Variants in CCDC60 observed in about 807,000 individuals in gnomAD.
CCDC60 encodes coiled-coil domain containing 60, also known as coiled-coil domain-containing protein 60.
A neutral mutation model predicts 63.5 loss-of-function variants in CCDC60; 54 were observed. The ratio of observed to expected loss-of-function variants is 0.85; its 90% confidence interval spans 0.68 to 1.07. The LOEUF (loss-of-function observed/expected upper bound fraction) is 1.07, where lower values mean the gene tolerates loss of function less well. CCDC60 is among the 50% of genes least tolerant of loss of function. The pLI is 0.00. For synonymous variants in CCDC60, 206 were observed against 238.8 expected, an observed-to-expected ratio of 0.86 and a Z score of 1.27; for missense variants, 651 against 684.3, an observed-to-expected ratio of 0.95 and a Z score of 0.54.
chr12:119,523,640 T>C (rs1952592953), intron 10 of CCDC60, 53 bp from the exon 11 acceptor site: 1 of 1,607,080 alleles, frequency 6.2e-7, no homozygotes, highest in Admixed American at 1.7e-5. Context: ...CCCAGGTTAC[T>C]AGGGGACATC....
rs534698019 is a variant in CCDC60 at position 119,509,860 on chromosome 12, T to A, written c.883+4557T>A. On this transcript the variant is annotated intron_variant, in intron 7 of 13. Transcript: ENST00000327554. ...GCTAGTGAGTGATGAAGACATAATT[T>A]GAACCCAGGAAATCTGGCCCTCAAG... 2.0e-4 allele frequency among the ~76,000 whole-genome samples: 31 copies of A among 152,320 alleles called. 1 individual carries two copies. The highest frequency in any genetic ancestry group is 7.5e-4 in the African/African-American group (31 of 41,574).
intron 6 of CCDC60, among the ~76,000 whole-genome samples, chr12:119,503,907 T>C (rs1951922389): frequency 6.6e-6 from 1 of 152,190 alleles, no homozygotes; most frequent in South Asian, 2.1e-4. Context: ...GAATTTCATC[T>C]AAAGAAAACA....
At chr12:119,357,070 T>G (rs2136160023) in intron 1 of CCDC60, among the ~76,000 whole-genome samples, 1 of 152,326 alleles carries the variant, frequency 6.6e-6, no homozygotes, top group African/African-American at 2.4e-5. Context: ...ATGTTGAAAT[T>G]TAATTGCCAT....
At chr12:119,505,640 G>C (rs921177249) in intron 7 of CCDC60, among the ~76,000 whole-genome samples, 1 of 152,232 alleles carries the variant, frequency 6.6e-6, no homozygotes, top group Non-Finnish European at 1.5e-5. Flanking sequence ...CAGATCATTT[G>C]AGGTCAGGAG....
intron 6 of CCDC60, among the ~76,000 whole-genome samples, chr12:119,504,611 G>T (rs1951942723): frequency 6.6e-6 from 1 of 152,164 alleles, no homozygotes; most frequent in Non-Finnish European, 1.5e-5. Flanking sequence ...GGTGTCAACT[G>T]GGGGACTAGG....
At chr12:119,498,494 G>A (rs530242814) in intron 5 of CCDC60, among the ~76,000 whole-genome samples, 1 of 152,170 alleles carries the variant, frequency 6.6e-6, no homozygotes, top group South Asian at 2.1e-4. Context: ...CACCACACCT[G>A]GCTAAATTTT....
intron 1 of CCDC60, among the ~76,000 whole-genome samples, chr12:119,368,527 C>T (rs1955866300): frequency 6.6e-6 from 1 of 152,138 alleles, no homozygotes; most frequent in Non-Finnish European, 1.5e-5. Flanking sequence ...CAGGGCGGTA[C>T]TCTCGGCCTC....
At chr12:119,503,033 C>T (rs1397090142) in intron 6 of CCDC60, among the ~76,000 whole-genome samples, 4 of 151,946 alleles carry the variant, frequency 2.6e-5, no homozygotes, top group African/African-American at 4.8e-5. Context: ...ACAAATTGGC[C>T]AGGCATGGTG....
At chr12:119,519,755 G>C (rs576954675) in intron 8 of CCDC60, among the ~76,000 whole-genome samples, 1 of 151,826 alleles carries the variant, frequency 6.6e-6, no homozygotes, top group Admixed American at 6.6e-5. Context: ...GAACCATGAC[G>C]CCTGGCCAGT....
In CCDC60 at chr12:119,485,077, G is replaced by A. The variant is rs552326066; in HGVS notation, c.450-3682G>A. 5.9e-5 allele frequency among the ~76,000 whole-genome samples: 9 copies of A among 152,368 alleles called. No individual in the cohort carries two copies. The South Asian group carries it at 1.7e-3, about 28-fold the overall frequency. On this transcript the variant is annotated intron_variant, in intron 4 of 13. Coordinates refer to ENST00000327554, the MANE Select transcript of CCDC60 (RefSeq NM_178499.5). The stretch of plus-strand genomic sequence containing the variant: ...AGCCCAATCACTGAGAGTCAAGAAG[G>A]AAGAGGAGCAGGAATATGTATCAGG...
intron 2 of CCDC60, among the ~76,000 whole-genome samples, chr12:119,438,489 T>C (rs1401524170): frequency 6.6e-6 from 1 of 152,152 alleles, no homozygotes; most frequent in African/African-American, 2.4e-5. Flanking sequence ...CAGCTGTGGG[T>C]TCAAATCCTA....
chr12:119,376,045 G>A (rs1027439597), intron 1 of CCDC60, among the ~76,000 whole-genome samples: 1 of 152,198 alleles, frequency 6.6e-6, no homozygotes, highest in Non-Finnish European at 1.5e-5. Context: ...AAATGTGGCT[G>A]TTGGAAGAGA....
chr12:119,421,676 A>G (rs1016675961), intron 1 of CCDC60, among the ~76,000 whole-genome samples: 1 of 152,160 alleles, frequency 6.6e-6, no homozygotes, highest in South Asian at 2.1e-4. Flanking sequence ...TTCTGGTAGG[A>G]CTGGCATTAG....
At chr12:119,422,302 C>T (rs908581613) in intron 1 of CCDC60, among the ~76,000 whole-genome samples, 2 of 152,194 alleles carry the variant, frequency 1.3e-5, no homozygotes, top group African/African-American at 4.8e-5. Context: ...GGAGTCATCA[C>T]AGAGCACCAA....
At chr12:119,471,883 T>C in intron 2 of CCDC60, 111 bp from the exon 3 acceptor site, 3 of 855,894 alleles carry the variant, frequency 3.5e-6, no homozygotes, top group Non-Finnish European at 5.4e-6. Flanking sequence ...TCCCTCTTTA[T>C]CTCTCTTTTC....
At chr12:119,485,705 C>A (rs1046439113) in intron 4 of CCDC60, among the ~76,000 whole-genome samples, 7 of 152,122 alleles carry the variant, frequency 4.6e-5, no homozygotes, top group African/African-American at 1.4e-4. Flanking sequence ...TAAGTGAATC[C>A]ACTCTTTAAA....
intron 1 of CCDC60, among the ~76,000 whole-genome samples, chr12:119,359,043 A>C (rs1199949271): frequency 1.3e-5 from 2 of 152,220 alleles, no homozygotes; most frequent in African/African-American, 2.4e-5. Flanking sequence ...GGGTGGTTCA[A>C]TTTATACTAC....
chr12:119,485,089 G>A (rs1951404284), intron 4 of CCDC60, among the ~76,000 whole-genome samples: 2 of 152,232 alleles, frequency 1.3e-5, no homozygotes, highest in Admixed American at 1.3e-4. Context: ...AGAGGAGCAG[G>A]AATATGTATC....
chr12:119,462,792 A>G (rs1228882296), intron 2 of CCDC60, among the ~76,000 whole-genome samples: 4 of 14,690 alleles, frequency 2.7e-4, no homozygotes, highest in African/African-American at 6.4e-4. Context: ...AACTAACTTC[A>G]TTTATTTATT....
Sources: allele counts gnomAD v4.1 joint callset (sites outside exome capture counted in the v4.1 genomes callset), GRCh38; gene constraint gnomAD v4.1.1; transcripts MANE v1.5; gene names NCBI Gene and HGNC (gene_info 2026-07-23, HGNC 2026-07-21).